The following MYO16 variants were observed in gnomAD, a reference collection of about 807,000 sequenced individuals.
The protein encoded by MYO16 is myosin XVI.
MYO16 carries 94 observed loss-of-function variants against 205.3 expected under a neutral mutation model. That is an observed-to-expected ratio of 0.46 (90% CI 0.39 to 0.54). The LOEUF (loss-of-function observed/expected upper bound fraction) is 0.54. MYO16 is among the 20% of genes least tolerant of loss of function. The pLI is 0.00. For missense variants in MYO16, 2,315 were observed against 2,387.5 expected (o/e 0.97, Z 0.63); for synonymous variants, 988 against 954.0 (o/e 1.04, Z -0.66).
At chr13:108,634,191 A>C (rs73604732) in intron 1 of MYO16, among the ~76,000 whole-genome samples, 18,492 of 152,102 alleles carry the variant, frequency 0.12, 2,035 homozygotes, top group African/African-American at 0.29. Context: ...ACGACTGCTC[A>C]TGCCTAGAGA....
intron 32 of MYO16, among the ~76,000 whole-genome samples, chr13:109,146,463 G>A (rs1229975147): frequency 6.6e-6 from 1 of 151,866 alleles, no homozygotes; most frequent in Non-Finnish European, 1.5e-5. Flanking sequence ...CCCTCCTCTG[G>A]CACTGGATCA....
Position 108,962,425 on chromosome 13 carries a change from G to A in MYO16, c.2157G>A (p.Val719=), listed in dbSNP as rs201300124. Residue 719 remains valine (V), a splice_region_variant and synonymous_variant, in exon 19 of 35, where the codon GTG becomes GTA. Coordinates refer to ENST00000457511, the MANE Select transcript of MYO16 (RefSeq NM_001198950.3). ...FVSDLQLLEQ[V]AGMLQVSTDE... ...TTTATAATGCTGATTTAATTTTAGT[G>A]GCTGGAATGTTACAAGTATCAACAG... 47 of 1,602,236 alleles carry A rather than the reference G, an allele frequency of 2.9e-5. No individual in the cohort carries two copies. In the African/African-American group the frequency reaches 5.1e-4, roughly 17 times the overall value.
At chr13:108,560,675 C>T in the MYO16 span, among the ~76,000 whole-genome samples, 1 of 151,960 alleles carries the variant, frequency 6.6e-6, no homozygotes, top group Non-Finnish European at 1.5e-5. Context: ...GTGTTATTTG[C>T]TTATTTTATA....
chr13:108,556,504 T>C, the MYO16 span, among the ~76,000 whole-genome samples: 1 of 152,222 alleles, frequency 6.6e-6, no homozygotes, highest in Non-Finnish European at 1.5e-5. Flanking sequence ...ATTGAATTGT[T>C]TGAGTTCCTT....
intron 14 of MYO16, among the ~76,000 whole-genome samples, chr13:108,889,516 G>C (rs1373829404): frequency 2.6e-5 from 4 of 152,172 alleles, no homozygotes; most frequent in Non-Finnish European, 5.9e-5. Context: ...ACATTGAAAG[G>C]CCACTGGAAG....
chr13:108,971,030 A>G (rs1883988651), intron 20 of MYO16, among the ~76,000 whole-genome samples: 1 of 152,208 alleles, frequency 6.6e-6, no homozygotes, highest in East Asian at 1.9e-4. Flanking sequence ...GAGATACATG[A>G]TTGGAGCTAC....
intron 1 of MYO16, among the ~76,000 whole-genome samples, chr13:108,663,162 G>A (rs1046569380): frequency 1.3e-4 from 20 of 152,206 alleles, no homozygotes; most frequent in African/African-American, 4.6e-4. Flanking sequence ...GGGTCCTCTC[G>A]GGATTGCTGG....
At chr13:108,985,102 A>AT (rs551827714) in intron 20 of MYO16, among the ~76,000 whole-genome samples, 32 of 152,316 alleles carry the variant, frequency 2.1e-4, no homozygotes, top group Admixed American at 7.2e-4. Context: ...ATACAGACTC[A>AT]TTTTTTTAAA....
intron 2 of MYO16, among the ~76,000 whole-genome samples, chr13:108,697,404 C>CA (rs1883132513): frequency 6.6e-6 from 1 of 152,140 alleles, no homozygotes; most frequent in African/African-American, 2.4e-5. Flanking sequence ...GAATTCCACC[C>CA]AAAAGAGGTC....
At chr13:109,090,388 A>G (rs1373712705) in intron 27 of MYO16, among the ~76,000 whole-genome samples, 2 of 152,182 alleles carry the variant, frequency 1.3e-5, no homozygotes, top group South Asian at 4.1e-4. Context: ...ATGGGAACTG[A>G]GGGAGAAGAC....
At chr13:108,873,051 T>C (rs1012229913) in intron 12 of MYO16, among the ~76,000 whole-genome samples, 4 of 152,224 alleles carry the variant, frequency 2.6e-5, no homozygotes, top group Non-Finnish European at 5.9e-5. Flanking sequence ...GTAAATAATA[T>C]CAAGTAGTCA....
At chr13:109,006,186 A>G (rs1885381290) in intron 21 of MYO16, among the ~76,000 whole-genome samples, 1 of 152,172 alleles carries the variant, frequency 6.6e-6, no homozygotes, top group Admixed American at 6.6e-5. Flanking sequence ...TGTGGAAAAG[A>G]GGAACCCAGG....
At chr13:108,667,075 A>C (rs2139435632) in intron 2 of MYO16, among the ~76,000 whole-genome samples, 1 of 152,326 alleles carries the variant, frequency 6.6e-6, no homozygotes, top group South Asian at 2.1e-4. Flanking sequence ...TAGCTCATTT[A>C]GTGGCAAAAC....
chr13:108,806,207 G>C (rs1352823305), intron 6 of MYO16, among the ~76,000 whole-genome samples: 2 of 152,138 alleles, frequency 1.3e-5, no homozygotes, highest in East Asian at 3.9e-4. Context: ...ATCCTTTTCA[G>C]TGTTTCTGTG....
intron 23 of MYO16, 104 bp downstream of exon 23, chr13:109,020,015 A>G (rs1885969180): frequency 8.4e-7 from 1 of 1,193,140 alleles, no homozygotes; most frequent in East Asian, 2.5e-5. Context: ...ATTTGGATAA[A>G]TGGAAGCTGG....
At chr13:108,558,800 G>C in the MYO16 span, among the ~76,000 whole-genome samples, 1 of 152,170 alleles carries the variant, frequency 6.6e-6, no homozygotes, top group Non-Finnish European at 1.5e-5. Flanking sequence ...CTCTAGGCAG[G>C]TGTAATATCC....
intron 4 of MYO16, among the ~76,000 whole-genome samples, chr13:108,759,218 A>G (rs1347974558): frequency 6.6e-6 from 1 of 152,226 alleles, no homozygotes; most frequent in African/African-American, 2.4e-5. Flanking sequence ...TAAGAACTGT[A>G]TAACTAGAGC....
chr13:108,603,730 C>T (rs1482951916), intron 1 of MYO16, among the ~76,000 whole-genome samples: 1 of 152,148 alleles, frequency 6.6e-6, no homozygotes, highest in African/African-American at 2.4e-5. Flanking sequence ...TGAACAAAGG[C>T]AGTTCAATAA....
intron 2 of MYO16, among the ~76,000 whole-genome samples, chr13:108,700,286 T>C (rs553683952): frequency 6.8e-6 from 1 of 148,096 alleles, no homozygotes; most frequent in African/African-American, 2.5e-5. Flanking sequence ...GAGCTGAGAT[T>C]GAGCCATTGC....
Sources: gnomAD v4.1 joint callset for allele counts (sites outside exome capture counted in the v4.1 genomes callset) on GRCh38, gnomAD v4.1.1 for gene constraint, MANE v1.5 for transcripts, NCBI Gene and HGNC (gene_info 2026-07-23, HGNC 2026-07-21) for gene names.